Variants in KCNK13 observed in about 807,000 individuals in gnomAD.
KCNK13 encodes potassium two pore domain channel subfamily K member 13, also known as potassium channel subfamily K member 13.
A neutral mutation model predicts 23.4 loss-of-function variants in KCNK13; 12 were observed. The observed-to-expected ratio is 0.51, with a 90% CI of 0.33 to 0.83. KCNK13 has a LOEUF of 0.83. KCNK13 is among the 40% of genes least tolerant of loss of function. The pLI, the probability that KCNK13 is intolerant of heterozygous loss-of-function variation, is 0.02. For missense variants in KCNK13, 463 were observed against 556.3 expected, an observed-to-expected ratio of 0.83 and a Z score of 1.69; for synonymous variants, 231 against 229.5, an observed-to-expected ratio of 1.01 and a Z score of -0.06.
At chr14:90,073,833 G>T (rs1000406487) in intron 1 of KCNK13, among the ~76,000 whole-genome samples, 1 of 152,084 alleles carries the variant, frequency 6.6e-6, no homozygotes, top group African/African-American at 2.4e-5. Flanking sequence ...ACCACGCCCA[G>T]CTAATTTTTC....
At chr14:90,124,951 G>C (rs142637503) in intron 1 of KCNK13, among the ~76,000 whole-genome samples, 54 of 152,324 alleles carry the variant, frequency 3.5e-4, no homozygotes, top group African/African-American at 1.3e-3. Context: ...TCAAGTGTTA[G>C]GCTGAAGAAG....
chr14:90,185,051 AT>A lies in KCNK13; in HGVS notation c.*50del. ...AGAGGCCAGAGTAGAATGGAGGATG[AT>A]TGCCGCCCAGGGGACGAGCTCAGCC... On this transcript the variant is annotated 3_prime_UTR_variant, in exon 2 of 2. Transcript: ENST00000282146. 1 of 1,467,924 alleles carries A rather than the reference AT, an allele frequency of 6.8e-7. No individual in the cohort carries two copies. Among genetic ancestry groups the A allele is most frequent in the Non-Finnish European group, 9.0e-7 (1 of 1,106,064 alleles). 90.9% of individuals were successfully genotyped at this position (1,467,924 alleles called of 1,614,324 possible). A position where few individuals can be genotyped will look rare whatever the true frequency, so the allele number is the denominator to read the frequency against.
At position 90,184,607 on chromosome 14, in the gene KCNK13, T is replaced by G; in HGVS notation, c.831T>G (p.Asn277Lys). The change falls in exon 2 of 2, where the codon AAT becomes AAG. Residue 277 changes from asparagine (N) to lysine (K), a missense_variant. Around this residue, in one of 3 missense-constraint regions of KCNK13, gnomAD observed 166 missense variants for 178.8 expected, o/e 0.93. Coordinates refer to ENST00000282146, the MANE Select transcript of KCNK13 (RefSeq NM_022054.4). The surrounding 1 kb of genome is among the most constrained non-coding windows in gnomAD (Gnocchi z 5.6). ...MGVCCIYSLFNVISILIKQSL... is the reference protein window; with the variant it reads ...MGVCCIYSLFKVISILIKQSL... Reference sequence around the variant, plus strand: ...TCTGCTGCATCTACTCCTTGTTCAATGTCATCTCTATCCTCATCAAACAGT... The same window carrying G: ...TCTGCTGCATCTACTCCTTGTTCAAGGTCATCTCTATCCTCATCAAACAGT... 1 of 1,614,268 alleles carries G rather than the reference T, an allele frequency of 6.2e-7. No homozygotes were observed. The highest frequency in any genetic ancestry group is 8.5e-7 in the Non-Finnish European group (1 of 1,180,050).
intron 1 of KCNK13, among the ~76,000 whole-genome samples, chr14:90,095,186 G>A (rs963505042): frequency 2.9e-4 from 44 of 152,206 alleles, no homozygotes; most frequent in African/African-American, 9.9e-4. Flanking sequence ...AGGAACCACT[G>A]CGGCTAGCTT....
chr14:90,145,119 A>G (rs1339618685), intron 1 of KCNK13, among the ~76,000 whole-genome samples: 3 of 152,292 alleles, frequency 2.0e-5, no homozygotes, highest in Non-Finnish European at 4.4e-5. Context: ...TATTAAACAA[A>G]TAGAAAGGTG....
chr14:90,109,640 G>A (rs1889590473), intron 1 of KCNK13, among the ~76,000 whole-genome samples: 6 of 151,636 alleles, frequency 4.0e-5, no homozygotes. Flanking sequence ...TCGATCTCCT[G>A]ACCTCGTGAT....
At chr14:90,095,625 G>GT (rs564220482) in intron 1 of KCNK13, among the ~76,000 whole-genome samples, 15 of 150,740 alleles carry the variant, frequency 1.0e-4, no homozygotes, top group East Asian at 5.8e-4. Context: ...AACTTAAGCT[G>GT]TTTTTTTTTC....
intron 1 of KCNK13, among the ~76,000 whole-genome samples, chr14:90,087,343 T>C (rs1029881702): frequency 7.2e-5 from 11 of 151,880 alleles, no homozygotes; most frequent in Admixed American, 5.3e-4. Context: ...TATTTCATTG[T>C]TTAGTAACTG....
chr14:90,170,460 C>A (rs557735102), intron 1 of KCNK13, among the ~76,000 whole-genome samples: 1 of 152,286 alleles, frequency 6.6e-6, no homozygotes, highest in South Asian at 2.1e-4. Flanking sequence ...GTGATCCACC[C>A]GTCTCAGCCT....
chr14:90,161,353 G>A (rs887680867), intron 1 of KCNK13, among the ~76,000 whole-genome samples: 1 of 152,194 alleles, frequency 6.6e-6, no homozygotes, highest in Admixed American at 6.5e-5. Context: ...TAATGAAAAA[G>A]TTCTGGAGAT....
chr14:90,146,333 G>C (rs142067690), intron 1 of KCNK13, among the ~76,000 whole-genome samples: 7 of 151,754 alleles, frequency 4.6e-5, no homozygotes, highest in Non-Finnish European at 7.4e-5. Flanking sequence ...CTTTTTTAGT[G>C]GGGGGGCAAT....
Position 90,146,333 on chromosome 14 carries a change from G to A in KCNK13, c.335-37778G>A, listed in dbSNP as rs142067690. On this transcript the variant is annotated intron_variant, in intron 1 of 1. Coordinates refer to ENST00000282146, the MANE Select transcript of KCNK13 (RefSeq NM_022054.4). ...GTTAATGTGGAATATCTTTTTTAGT[G>A]GGGGGGCAATCTCGCTCTGTCACCC... Among the ~76,000 whole-genome samples the A allele has an allele frequency of 1.1e-3, 166 of 151,872 alleles. 1 individual carries two copies. The highest frequency in any genetic ancestry group is 3.3e-3 in the African/African-American group (135 of 41,456).
chr14:90,109,646 G>A lies in KCNK13; in HGVS notation c.334+47107G>A, dbSNP rs184853927. Reference sequence around the variant, plus strand: ...AGGAAGGTCTCGATCTCCTGACCTCGTGATCCGCCCACCTCAGCCTCCCAA... The same window carrying A: ...AGGAAGGTCTCGATCTCCTGACCTCATGATCCGCCCACCTCAGCCTCCCAA... On this transcript the variant is annotated intron_variant, in intron 1 of 1. Transcript: ENST00000282146. Among the ~76,000 whole-genome samples, 201 of 151,542 alleles carry A rather than the reference G, an allele frequency of 1.3e-3. 1 individual carries two copies. The highest frequency in any genetic ancestry group is 4.5e-3 in the African/African-American group (187 of 41,302).
At chr14:90,130,795 CAA>C (rs1197415410) in intron 1 of KCNK13, among the ~76,000 whole-genome samples, 1 of 152,080 alleles carries the variant, frequency 6.6e-6, no homozygotes, top group Non-Finnish European at 1.5e-5. Flanking sequence ...GCCTGGGCAA[CAA>C]GAGCGAAACT....
At chr14:90,180,866 C>CT (rs1037366942) in intron 1 of KCNK13, among the ~76,000 whole-genome samples, 9 of 150,620 alleles carry the variant, frequency 6.0e-5, no homozygotes, top group African/African-American at 9.8e-5. Context: ...TTGATTTTTT[C>CT]TTTTTTTTTC....
rs1890526480 is a variant in KCNK13 at position 90,184,649 on chromosome 14, G to A, written c.873G>A (p.Leu291=). The A allele has an allele frequency of 1.9e-6, 3 of 1,614,258 alleles. No homozygotes were observed. Among genetic ancestry groups the A allele is most frequent in the East Asian group, 4.5e-5 (2 of 44,882 alleles). Residue 291 remains leucine (L), a synonymous_variant, in exon 2 of 2, where the codon CTG becomes CTA. Transcript: ENST00000282146. This position sits in a 1 kb window ranked among gnomAD's most constrained non-coding sequence, Gnocchi z 5.6. ...ILIKQSLNWI[L]RKMDSGCCPQ... ...TCAAACAGTCCTTGAACTGGATCCT[G>A]AGGAAAATGGACAGCGGGTGCTGCC...
rs575337959 is a variant in KCNK13 at position 90,113,169 on chromosome 14, C to G, written c.334+50630C>G. Among the ~76,000 whole-genome samples, 10 of 152,190 alleles carry G rather than the reference C, an allele frequency of 6.6e-5. 1 individual carries two copies. In the South Asian group the frequency reaches 2.1e-3, roughly 32 times the overall value. On this transcript the variant is annotated intron_variant, in intron 1 of 1. Coordinates refer to ENST00000282146, the MANE Select transcript of KCNK13 (RefSeq NM_022054.4). ...TCCTGAGCTCAAGCAATCTTCTCTCCCCAGCCTCCTAAAGTGCTAGGATTA... is the reference window on the plus strand; with the variant it reads ...TCCTGAGCTCAAGCAATCTTCTCTCGCCAGCCTCCTAAAGTGCTAGGATTA...
chr14:90,088,834 T>C (rs545023984), intron 1 of KCNK13, among the ~76,000 whole-genome samples: 1 of 152,314 alleles, frequency 6.6e-6, no homozygotes, highest in East Asian at 1.9e-4. Flanking sequence ...ATTCTCATGA[T>C]AGAGAATGAG....
intron 1 of KCNK13, among the ~76,000 whole-genome samples, chr14:90,124,573 G>A (rs1889774211): frequency 6.6e-6 from 1 of 152,256 alleles, no homozygotes; most frequent in South Asian, 2.1e-4. Flanking sequence ...ACAGCCTTCA[G>A]CTGATAGCCC....
Sources: allele counts gnomAD v4.1 joint callset (sites outside exome capture counted in the v4.1 genomes callset), GRCh38; gene constraint gnomAD v4.1.1; regional missense constraint gnomAD v4.1.1; non-coding constraint Gnocchi (gnomAD v3.1); transcripts MANE v1.5; gene names NCBI Gene and HGNC (gene_info 2026-07-23, HGNC 2026-07-21).